Variants in WDR7 observed in about 807,000 individuals in gnomAD.
The protein encoded by WDR7 is WD repeat-containing protein 7.
A neutral mutation model predicts 169.4 loss-of-function variants in WDR7; 46 were observed. The observed-to-expected ratio is 0.27, with a 90% CI of 0.21 to 0.35. WDR7 has a LOEUF of 0.35. Ranked by LOEUF, WDR7 falls within the 10% of genes least tolerant of loss-of-function variation. The pLI, the probability that WDR7 is intolerant of heterozygous loss-of-function variation, is 1.00. For synonymous variants in WDR7, 612 were observed against 666.8 expected (o/e 0.92, Z 1.27); for missense variants, 1,534 against 1,859.3 (o/e 0.83, Z 3.22).
intron 26 of WDR7, among the ~76,000 whole-genome samples, chr18:57,012,450 G>GA (rs2048148693): frequency 7.4e-6 from 1 of 135,388 alleles, no homozygotes; most frequent in African/African-American, 2.6e-5. Context: ...TGGGAGTCTA[G>GA]GGGTTCTGCG....
intron 21 of WDR7, among the ~76,000 whole-genome samples, chr18:56,888,950 G>C (rs960244622): frequency 5.9e-5 from 9 of 152,172 alleles, no homozygotes; most frequent in Non-Finnish European, 1.2e-4. Flanking sequence ...GGGGAACTCT[G>C]GAGCTGGGAT....
At chr18:56,902,633 A>G (rs1459997252) in intron 21 of WDR7, among the ~76,000 whole-genome samples, 1 of 152,184 alleles carries the variant, frequency 6.6e-6, no homozygotes, top group African/African-American at 2.4e-5. Context: ...AGGGTCAAAG[A>G]TGGTCAAATA....
chr18:56,906,382 GA>G (rs1288980731), intron 21 of WDR7, among the ~76,000 whole-genome samples: 5 of 151,852 alleles, frequency 3.3e-5, no homozygotes, highest in Admixed American at 2.0e-4. Flanking sequence ...GTGAAGGAAA[GA>G]AAAAAGGCAT....
chr18:56,926,677 A>G (rs2046813374), intron 22 of WDR7, among the ~76,000 whole-genome samples: 1 of 152,208 alleles, frequency 6.6e-6, no homozygotes, highest in South Asian at 2.1e-4. Context: ...TGTCATGAAG[A>G]TTAGTGTGAC....
Position 56,779,513 on chromosome 18 carries a change from G to C in WDR7, c.3030G>C (p.Glu1010Asp). The C allele has an allele frequency of 6.2e-7, 1 of 1,614,036 alleles. No individual in the cohort carries two copies. Among genetic ancestry groups the C allele is most frequent in the Non-Finnish European group, 8.5e-7 (1 of 1,179,932 alleles). ...GLDKFRPPLL[E>D]MLARRWQDRC... ...ATAAATTTAGGCCTCCCCTTCTGGA[G>C]ATGCTGGCCCGAAGATGGCAAGATC... Residue 1010 changes from glutamate to aspartate, a missense_variant, in exon 18 of 28, where the codon GAG (glutamate) becomes GAC (aspartate). Coordinates refer to ENST00000254442, the MANE Select transcript of WDR7 (RefSeq NM_015285.3).
chr18:56,816,781 C>T (rs1433420984), intron 20 of WDR7, among the ~76,000 whole-genome samples: 4 of 152,120 alleles, frequency 2.6e-5, no homozygotes, highest in Admixed American at 2.6e-4. Flanking sequence ...TCTTTGAATG[C>T]ACAGAGGTTA....
chr18:56,684,867 C>T (rs1467645193), intron 5 of WDR7, among the ~76,000 whole-genome samples: 1 of 152,138 alleles, frequency 6.6e-6, no homozygotes, highest in Non-Finnish European at 1.5e-5. Flanking sequence ...TGCTTTATTC[C>T]TAAGCATAAC....
intron 22 of WDR7, among the ~76,000 whole-genome samples, chr18:56,924,491 C>T (rs1483392090): frequency 6.6e-6 from 1 of 152,166 alleles, no homozygotes; most frequent in African/African-American, 2.4e-5. Context: ...ATTGCTCCTC[C>T]ACACTCATAT....
At chr18:56,828,399 C>T (rs2045248881) in intron 20 of WDR7, among the ~76,000 whole-genome samples, 1 of 152,136 alleles carries the variant, frequency 6.6e-6, no homozygotes, top group South Asian at 2.1e-4. Flanking sequence ...TAGCTGAGTT[C>T]AGCCAATGGT....
intron 12 of WDR7, among the ~76,000 whole-genome samples, chr18:56,699,286 A>G (rs1339559520): frequency 6.6e-6 from 1 of 152,252 alleles, no homozygotes; most frequent in Non-Finnish European, 1.5e-5. Context: ...AAATGTTTAG[A>G]AAATGTGTGG....
chr18:56,804,152 T>A (rs954604787), intron 19 of WDR7, among the ~76,000 whole-genome samples: 11 of 152,210 alleles, frequency 7.2e-5, no homozygotes, highest in Admixed American at 2.6e-4. Context: ...TTCATCAGGT[T>A]TTATACAATG....
chr18:56,735,674 C>G (rs1279434567), intron 14 of WDR7, among the ~76,000 whole-genome samples: 20 of 152,080 alleles, frequency 1.3e-4, no homozygotes, highest in Admixed American at 1.3e-3. Flanking sequence ...TTGGATGGAA[C>G]AAAGATTGAC....
At chr18:56,781,470 T>G in intron 18 of WDR7, 63 bp from the exon 19 acceptor site, 52 of 1,399,086 alleles carry the variant, frequency 3.7e-5, no homozygotes, top group Non-Finnish European at 4.8e-5. Context: ...TTTTCTAGTT[T>G]ATGAATATTC....
intron 12 of WDR7, among the ~76,000 whole-genome samples, chr18:56,701,283 T>G (rs572097423): frequency 5.3e-5 from 8 of 152,244 alleles, no homozygotes; most frequent in Admixed American, 3.3e-4. Context: ...AACTACATAT[T>G]GACTTCTTGA....
chr18:56,969,375 C>A (rs1272739421), intron 26 of WDR7, among the ~76,000 whole-genome samples: 1 of 152,202 alleles, frequency 6.6e-6, no homozygotes, highest in Non-Finnish European at 1.5e-5. Context: ...TTTTGATCAT[C>A]ATACATAATC....
At chr18:56,968,324 A>C (rs774306546) in intron 26 of WDR7, among the ~76,000 whole-genome samples, 22 of 152,222 alleles carry the variant, frequency 1.4e-4, no homozygotes, top group Non-Finnish European at 3.1e-4. Flanking sequence ...TAGAATAAAA[A>C]AAACTTTAAA....
intron 27 of WDR7, among the ~76,000 whole-genome samples, chr18:57,023,066 C>T (rs2048312707): frequency 6.6e-6 from 1 of 152,246 alleles, no homozygotes; most frequent in Non-Finnish European, 1.5e-5. Flanking sequence ...CCCATTTCTT[C>T]ATGTTTATGT....
At chr18:56,959,700 C>T (rs1005481647) in intron 25 of WDR7, among the ~76,000 whole-genome samples, 3 of 152,144 alleles carry the variant, frequency 2.0e-5, no homozygotes, top group African/African-American at 7.2e-5. Context: ...ATCGGTCATG[C>T]AGGATCTGGT....
At chr18:56,881,157 G>A (rs1369670766) in intron 21 of WDR7, among the ~76,000 whole-genome samples, 1 of 152,130 alleles carries the variant, frequency 6.6e-6, no homozygotes, top group African/African-American at 2.4e-5. Flanking sequence ...TATTATAAAA[G>A]CCCTTCAATA....
Sources: allele counts gnomAD v4.1 joint callset (sites outside exome capture counted in the v4.1 genomes callset), GRCh38; gene constraint gnomAD v4.1.1; transcripts MANE v1.5; gene names NCBI Gene and HGNC (gene_info 2026-07-23, HGNC 2026-07-21).